RAD52: variants seen among roughly 807,000 people sequenced by gnomAD.
RAD52 encodes the protein RAD52 DNA repair protein.
A neutral mutation model predicts 55.5 loss-of-function variants in RAD52; 47 were observed. The observed-to-expected ratio is 0.85, with a 90% confidence interval of 0.67 to 1.08. RAD52 has a LOEUF of 1.08. Among genes scored for constraint, RAD52 ranks in the 50% least tolerant of loss-of-function variants. The probability of loss-of-function intolerance (pLI) is 0.00; values close to 1 mark genes in which losing one functional copy is unlikely to be tolerated. For missense variants in RAD52, 468 were observed against 522.8 expected, an observed-to-expected ratio of 0.90 and a Z score of 1.02; for synonymous variants, 184 against 198.9, an observed-to-expected ratio of 0.92 and a Z score of 0.63.
intron 1 of RAD52, among the ~76,000 whole-genome samples, chr12:983,021 T>C (rs1959039787): frequency 6.6e-6 from 1 of 152,080 alleles, no homozygotes; most frequent in East Asian, 1.9e-4. Context: ...GGCTAATTTT[T>C]GTATTTTTAG....
At chr12:986,852 G>A (rs1040114555) in intron 1 of RAD52, among the ~76,000 whole-genome samples, 2 of 150,020 alleles carry the variant, frequency 1.3e-5, no homozygotes, top group Non-Finnish European at 2.9e-5. Flanking sequence ...ATCTAACTAA[G>A]TTCCTGGGAC....
intron 10 of RAD52, 28 bp from the exon 11 acceptor site, chr12:914,149 T>C (rs1956234510): frequency 6.3e-7 from 1 of 1,580,754 alleles, no homozygotes. Context: ...AAGTGCGTCA[T>C]CAGCAAATAA....
intron 1 of RAD52, among the ~76,000 whole-genome samples, chr12:984,030 G>T (rs912260942): frequency 6.6e-6 from 1 of 152,118 alleles, no homozygotes; most frequent in African/African-American, 2.4e-5. Flanking sequence ...CTATTTTTCA[G>T]TGTATAGTTC....
In RAD52 at chr12:912,508, A is replaced by AGAT. The variant is rs549797993; in HGVS notation, c.*880_*882dup. The AGAT allele has an allele frequency of 2.6e-4, 45 of 175,936 alleles. 1 individual carries two copies. In the East Asian group the frequency reaches 3.3e-3, roughly 13 times the overall value. The allele number at this position is 175,936 out of a possible 1,614,324, so 10.9% of individuals were successfully genotyped here. On this transcript the variant is annotated 3_prime_UTR_variant, in exon 12 of 12. Transcript: ENST00000358495. ...AAACAATTCTGGTTTCAAGCATTTCAGATAAGCAATATATATATATTCTAT... is the reference window on the plus strand; with the variant it reads ...AAACAATTCTGGTTTCAAGCATTTCAGATGATAAGCAATATATATATATTCTAT...
Position 916,626 on chromosome 12 carries a change from T to G in RAD52, c.725+13A>C. 1 of 1,610,416 alleles carries G rather than the reference T, an allele frequency of 6.2e-7. No homozygotes were observed. The highest frequency in any genetic ancestry group is 8.5e-7 in the Non-Finnish European group (1 of 1,177,654). ...GGGGCCGCAGAGGAAAGGAGGGGAC[T>G]TAGGCCGCATACCGGGAGCTGCAGT... On this transcript the variant is annotated intron_variant, in intron 8 of 11. Transcript: ENST00000358495.
intron 1 of RAD52, among the ~76,000 whole-genome samples, chr12:982,095 T>C (rs1397488744): frequency 6.6e-6 from 1 of 152,204 alleles, no homozygotes; most frequent in Admixed American, 6.5e-5. Flanking sequence ...GAATCTCCTT[T>C]GGGATCAGTC....
chr12:955,694 G>A (rs143595292), intron 1 of RAD52, among the ~76,000 whole-genome samples: 29 of 151,920 alleles, frequency 1.9e-4, no homozygotes, highest in African/African-American at 6.8e-4. Flanking sequence ...GGCTGGTCTC[G>A]AGCTCCTGAC....
chr12:956,515 T>C (rs1349409157), intron 1 of RAD52, among the ~76,000 whole-genome samples: 1 of 152,204 alleles, frequency 6.6e-6, no homozygotes, highest in African/African-American at 2.4e-5. Flanking sequence ...ACACTGTTGA[T>C]TGGGTTTTCT....
chr12:957,800 AAAT>A (rs1339644904), intron 1 of RAD52, among the ~76,000 whole-genome samples: 3 of 152,344 alleles, frequency 2.0e-5, no homozygotes, highest in African/African-American at 7.2e-5. Context: ...AAAAATAAAT[AAAT>A]AATAAAAAAC....
At chr12:951,274 G>A (rs1204680159), upstream of RAD52, among the ~76,000 whole-genome samples, 2 of 151,946 alleles carry the variant, frequency 1.3e-5, no homozygotes, top group East Asian at 3.9e-4. Context: ...CACCACACCT[G>A]GCTAATCTAA....
At chr12:930,538 A>G (rs1792256990) in intron 3 of RAD52, among the ~76,000 whole-genome samples, 1 of 152,220 alleles carries the variant, frequency 6.6e-6, no homozygotes, top group Admixed American at 6.5e-5. Context: ...GACATATTTT[A>G]TGGAAGACCA....
At chr12:953,230 G>T (rs761217964), upstream of RAD52, among the ~76,000 whole-genome samples, 1 of 151,508 alleles carries the variant, frequency 6.6e-6, no homozygotes, top group Non-Finnish European at 1.5e-5. Flanking sequence ...GTTTGAACCC[G>T]GAAGTGGAGG....
chr12:970,928 GA>G (rs199918762), intron 1 of RAD52, among the ~76,000 whole-genome samples: 2,494 of 146,940 alleles, frequency 0.017, 63 homozygotes, highest in African/African-American at 0.06. Context: ...GAGAGAGAGA[GA>G]CAGGAAATAA....
Position 914,097 on chromosome 12 carries a change from T to A in RAD52, c.992A>T (p.Lys331Met). Reference protein sequence around the residue: ...LIKTLEDNSEKWAVTPDAGDG... With the variant: ...LIKTLEDNSEMWAVTPDAGDG... ...CCCTGCATCGGGAGTCACAGCCCAC[T>A]TTTCAGAGTTGTCTTCAAGAGTCTC... The change falls in exon 11 of 12, where the codon AAG becomes ATG. Residue 331 changes from lysine to methionine, a missense_variant. By Grantham distance (95) the Lys-to-Met change is moderately conservative. Coordinates refer to ENST00000358495, the MANE Select transcript of RAD52 (RefSeq NM_134424.4). 6.2e-7 allele frequency: 1 copy of A among 1,614,128 alleles called. No homozygotes were observed. Among genetic ancestry groups the A allele is most frequent in the Non-Finnish European group, 8.5e-7 (1 of 1,179,996 alleles).
intron 1 of RAD52, among the ~76,000 whole-genome samples, chr12:960,434 G>A (rs956033247): frequency 7.9e-5 from 12 of 152,194 alleles, no homozygotes; most frequent in African/African-American, 2.9e-4. Context: ...AAGTAGGAAA[G>A]ACAGAGGCAG....
intron 1 of RAD52, among the ~76,000 whole-genome samples, chr12:969,650 G>A (rs570775483): frequency 2.6e-5 from 4 of 151,770 alleles, no homozygotes; most frequent in Admixed American, 6.6e-5. Flanking sequence ...AATTAGCCGG[G>A]CATGCTGTCA....
chr12:965,963 C>T (rs1012776070), intron 1 of RAD52, among the ~76,000 whole-genome samples: 25 of 151,922 alleles, frequency 1.6e-4, no homozygotes, highest in African/African-American at 4.8e-5. Flanking sequence ...GGATTACAGG[C>T]ATGAACCACT....
At chr12:978,734 C>T (rs1434848814) in intron 1 of RAD52, among the ~76,000 whole-genome samples, 1 of 151,792 alleles carries the variant, frequency 6.6e-6, no homozygotes, top group African/African-American at 2.4e-5. Context: ...ACCCAGGAGG[C>T]GGTGGTGCAC....
chr12:916,170 A>G (rs1956359126), intron 9 of RAD52, 174 bp downstream of exon 9: 1 of 1,369,006 alleles, frequency 7.3e-7, no homozygotes, highest in Non-Finnish European at 9.5e-7. Flanking sequence ...AATGTACAGC[A>G]GATTTAAATA....
Sources: gnomAD v4.1 joint callset for allele counts (sites outside exome capture counted in the v4.1 genomes callset) on GRCh38, gnomAD v4.1.1 for gene constraint, MANE v1.5 for transcripts, NCBI Gene and HGNC (gene_info 2026-07-23, HGNC 2026-07-21) for gene names.